RAB11FIP4: variants seen among roughly 807,000 people sequenced by gnomAD.
The protein encoded by RAB11FIP4 is rab11 family-interacting protein 4.
RAB11FIP4 carries 23 observed loss-of-function variants against 74.3 expected under a neutral mutation model. That is an observed-to-expected ratio of 0.31 (90% confidence interval 0.22 to 0.44). RAB11FIP4 has a LOEUF of 0.44. Among genes scored for constraint, RAB11FIP4 ranks in the 20% least tolerant of loss-of-function variants. The pLI is 1.00. For synonymous variants in RAB11FIP4, 360 were observed against 359.9 expected, an observed-to-expected ratio of 1.00 and a Z score of 0.00; for missense variants, 630 against 863.9, an observed-to-expected ratio of 0.73 and a Z score of 3.39.
chr17:31,518,082 T>G (rs1370019929), intron 4 of RAB11FIP4, among the ~76,000 whole-genome samples: 1 of 152,230 alleles, frequency 6.6e-6, no homozygotes, highest in Non-Finnish European at 1.5e-5. Context: ...TAGGCAGCTG[T>G]GCAAAGTCAA....
At chr17:31,444,594 T>A (rs1156742611) in intron 3 of RAB11FIP4, among the ~76,000 whole-genome samples, 3 of 152,132 alleles carry the variant, frequency 2.0e-5, no homozygotes. Context: ...TAAGCTGAGC[T>A]GGCCAGCAAG....
chr17:31,464,491 GC>G (rs2071664996), intron 3 of RAB11FIP4, among the ~76,000 whole-genome samples: 1 of 152,000 alleles, frequency 6.6e-6, no homozygotes, highest in East Asian at 1.9e-4. Context: ...CGCTCTTGTT[GC>G]CCAGGCGGGA....
chr17:31,438,238 C>T (rs1218870599), intron 3 of RAB11FIP4, among the ~76,000 whole-genome samples: 22 of 152,022 alleles, frequency 1.4e-4, no homozygotes, highest in Admixed American at 1.0e-3. Flanking sequence ...GCCCGACACT[C>T]GGGTGCTAAA....
At chr17:31,442,959 C>CAAA (rs11435501) in intron 3 of RAB11FIP4, among the ~76,000 whole-genome samples, 18 of 129,488 alleles carry the variant, frequency 1.4e-4, no homozygotes, top group African/African-American at 4.7e-4. Flanking sequence ...GACTCTGTCT[C>CAAA]AAAAAAAAAA....
intron 1 of RAB11FIP4, among the ~76,000 whole-genome samples, chr17:31,413,438 G>A (rs1277121055): frequency 1.4e-5 from 2 of 142,812 alleles, no homozygotes; most frequent in African/African-American, 2.6e-5. Context: ...TAGGCCCCCC[G>A]AGAAGAGAGT....
intron 3 of RAB11FIP4, among the ~76,000 whole-genome samples, chr17:31,516,534 A>G (rs1228558018): frequency 3.9e-5 from 6 of 152,376 alleles, no homozygotes; most frequent in South Asian, 4.1e-4. Flanking sequence ...CAGTGGCGCT[A>G]TCTTGGCTCA....
At chr17:31,516,658 C>A (rs774051179) in intron 3 of RAB11FIP4, among the ~76,000 whole-genome samples, 1 of 152,148 alleles carries the variant, frequency 6.6e-6, no homozygotes, top group Non-Finnish European at 1.5e-5. Flanking sequence ...TTAGTAGAGA[C>A]GGGGTTTCAC....
chr17:31,477,444 A>G (rs2071804430), intron 3 of RAB11FIP4, among the ~76,000 whole-genome samples: 1 of 152,216 alleles, frequency 6.6e-6, no homozygotes, highest in Non-Finnish European at 1.5e-5. Flanking sequence ...CATCAGATAT[A>G]GATGAGAAGC....
chr17:31,433,733 A>C (rs1160457744), intron 2 of RAB11FIP4, among the ~76,000 whole-genome samples: 1 of 152,148 alleles, frequency 6.6e-6, no homozygotes, highest in African/African-American at 2.4e-5. Context: ...GGTGGGCAGC[A>C]CTGCCTTAGG....
intron 7 of RAB11FIP4, 48 bp downstream of exon 7, chr17:31,522,443 G>T (rs759472817): frequency 3.8e-6 from 6 of 1,587,214 alleles, no homozygotes; most frequent in Non-Finnish European, 5.2e-6. Context: ...TCCCCATGCT[G>T]CCCACTGGCC....
intron 3 of RAB11FIP4, among the ~76,000 whole-genome samples, chr17:31,461,232 C>T (rs1453349479): frequency 6.6e-6 from 1 of 152,134 alleles, no homozygotes; most frequent in Non-Finnish European, 1.5e-5. Context: ...CAGAAAAGCC[C>T]CTCCACACGC....
intron 4 of RAB11FIP4, among the ~76,000 whole-genome samples, chr17:31,518,267 A>T (rs886453372): frequency 6.7e-6 from 1 of 149,040 alleles, no homozygotes; most frequent in Non-Finnish European, 1.5e-5. Context: ...CTGAGGCAGG[A>T]GGATCGCTTG....
At chr17:31,483,820 C>T (rs1185647293) in intron 3 of RAB11FIP4, among the ~76,000 whole-genome samples, 1 of 152,022 alleles carries the variant, frequency 6.6e-6, no homozygotes, top group Non-Finnish European at 1.5e-5. Context: ...TATATTTAGC[C>T]AGTCGTTCCA....
At chr17:31,427,909 TG>T (rs1390236748) in intron 1 of RAB11FIP4, among the ~76,000 whole-genome samples, 2 of 152,224 alleles carry the variant, frequency 1.3e-5, no homozygotes, top group African/African-American at 2.4e-5. Context: ...CTGGCATGGC[TG>T]GGGGGAGGGG....
At chr17:31,434,484 A>C (rs2071340040) in intron 3 of RAB11FIP4, among the ~76,000 whole-genome samples, 1 of 152,252 alleles carries the variant, frequency 6.6e-6, no homozygotes, top group East Asian at 1.9e-4. Flanking sequence ...TTTGTTTTCA[A>C]ACAACAACGA....
At chr17:31,502,971 C>T (rs1305125267) in intron 3 of RAB11FIP4, among the ~76,000 whole-genome samples, 2 of 152,120 alleles carry the variant, frequency 1.3e-5, no homozygotes, top group Admixed American at 6.6e-5. Flanking sequence ...AGTCACATTG[C>T]GTTAGGGCCC....
At position 31,468,717 on chromosome 17, in the gene RAB11FIP4, C is replaced by T. The variant is rs377687445; in HGVS notation, c.336+34595C>T. ...TGGTGGTGGGCACCTGTAATCCCAG[C>T]TACTCAGGAGGCTGAGGCAGGAGAA... On this transcript the variant is annotated intron_variant, in intron 3 of 14. Transcript: ENST00000621161. Among the ~76,000 whole-genome samples, 359 of 152,188 alleles carry T rather than the reference C, an allele frequency of 2.4e-3. 3 individuals carry two copies. Among genetic ancestry groups the T allele is most frequent in the African/African-American group, 7.9e-3 (329 of 41,500 alleles).
intron 3 of RAB11FIP4, among the ~76,000 whole-genome samples, chr17:31,494,081 G>T (rs2142757783): frequency 6.6e-6 from 1 of 152,300 alleles, no homozygotes; most frequent in South Asian, 2.1e-4. Flanking sequence ...ATGAGCCATG[G>T]TGATTTAAGA....
At chr17:31,514,072 A>T (rs531695667) in intron 3 of RAB11FIP4, among the ~76,000 whole-genome samples, 10 of 152,234 alleles carry the variant, frequency 6.6e-5, no homozygotes, top group Non-Finnish European at 1.5e-4. Flanking sequence ...TCCAAGGCTG[A>T]AAGCCTGCCC....
Sources: gnomAD v4.1 joint callset for allele counts (sites outside exome capture counted in the v4.1 genomes callset) on GRCh38, gnomAD v4.1.1 for gene constraint, MANE v1.5 for transcripts, NCBI Gene and HGNC (gene_info 2026-07-23, HGNC 2026-07-21) for gene names.